PHACTR3: variants seen among roughly 807,000 people sequenced by gnomAD.
PHACTR3 encodes protein phosphatase 1, regulatory subunit 123.
In PHACTR3, 16 loss-of-function variants were observed where a neutral mutation model predicts 66.8. That is an observed-to-expected ratio of 0.24 (90% confidence interval 0.16 to 0.36). The LOEUF (loss-of-function observed/expected upper bound fraction) is 0.36. Among genes scored for constraint, PHACTR3 ranks in the 10% least tolerant of loss-of-function variants. The pLI, the probability that PHACTR3 is intolerant of heterozygous loss-of-function variation, is 1.00. For synonymous variants in PHACTR3, 323 were observed against 292.1 expected, an observed-to-expected ratio of 1.11 and a Z score of -1.08; for missense variants, 647 against 719.9, an observed-to-expected ratio of 0.90 and a Z score of 1.16.
chr20:59,649,609 C>G (rs751695732), intron 1 of PHACTR3, among the ~76,000 whole-genome samples: 4 of 152,132 alleles, frequency 2.6e-5, no homozygotes, highest in Non-Finnish European at 2.9e-5. Context: ...CTGTTAGAGT[C>G]ACAGAAATTC....
At chr20:59,631,337 T>C (rs1334929337) in intron 1 of PHACTR3, among the ~76,000 whole-genome samples, 1 of 152,208 alleles carries the variant, frequency 6.6e-6, no homozygotes, top group Non-Finnish European at 1.5e-5. Flanking sequence ...TTTAATGAGC[T>C]CCTGGGGGAT....
In PHACTR3 at chr20:59,775,881, C is replaced by T. The variant is rs565211403; in HGVS notation, c.1174+1391C>T. 5.5e-4 allele frequency among the ~76,000 whole-genome samples: 83 copies of T among 152,290 alleles called. 1 individual carries two copies. The highest frequency in any genetic ancestry group is 7.8e-4 in the Non-Finnish European group (53 of 68,018). ...TCAGCGCTGGTGGCAAGAGGCCAGGCGATTCTCTGCTGGGGAGGGGGCTGT... is the reference window on the plus strand; with the variant it reads ...TCAGCGCTGGTGGCAAGAGGCCAGGTGATTCTCTGCTGGGGAGGGGGCTGT... On this transcript the variant is annotated intron_variant, in intron 7 of 12. Transcript: ENST00000371015.
chr20:59,594,118 C>A (rs1424306683), intron 1 of PHACTR3, among the ~76,000 whole-genome samples: 2 of 152,186 alleles, frequency 1.3e-5, no homozygotes, highest in Non-Finnish European at 2.9e-5. Flanking sequence ...AACATGGATT[C>A]TCTCTCCATT....
intron 1 of PHACTR3, among the ~76,000 whole-genome samples, chr20:59,579,979 G>T (rs76412730): frequency 6.6e-6 from 1 of 152,074 alleles, no homozygotes; most frequent in African/African-American, 2.4e-5. Context: ...GAGGAAGCGC[G>T]CATTCCGTGC....
At chr20:59,720,813 AT>A (rs1399436918) in intron 1 of PHACTR3, among the ~76,000 whole-genome samples, 1 of 152,188 alleles carries the variant, frequency 6.6e-6, no homozygotes, top group Non-Finnish European at 1.5e-5. Flanking sequence ...ATCTTCAGTC[AT>A]TTGCTTTCGG....
intron 1 of PHACTR3, among the ~76,000 whole-genome samples, chr20:59,589,937 T>A (rs1242820189): frequency 3.9e-4 from 59 of 152,218 alleles, no homozygotes; most frequent in Non-Finnish European, 4.4e-5. Context: ...GCATTTTGAG[T>A]AGGGAGCTCA....
intron 1 of PHACTR3, among the ~76,000 whole-genome samples, chr20:59,622,293 G>A (rs146279514): frequency 3.4e-4 from 52 of 152,162 alleles, no homozygotes; most frequent in African/African-American, 1.1e-3. Flanking sequence ...AGCCTCAGCC[G>A]TACTGACTGT....
chr20:59,672,718 G>A (rs74828393), intron 1 of PHACTR3, among the ~76,000 whole-genome samples: 26,339 of 152,150 alleles, frequency 0.17, 2,835 homozygotes, highest in African/African-American at 0.31. Context: ...CTGTGTGCCC[G>A]ACACCCAGCT....
intron 3 of PHACTR3, among the ~76,000 whole-genome samples, chr20:59,749,977 C>T (rs992086648): frequency 6.6e-6 from 1 of 152,174 alleles, no homozygotes; most frequent in African/African-American, 2.4e-5. Context: ...GCCTGAAACA[C>T]AGTCTCTTTC....
chr20:59,708,255 T>G (rs1393760050), intron 1 of PHACTR3, among the ~76,000 whole-genome samples: 1 of 152,208 alleles, frequency 6.6e-6, no homozygotes, highest in East Asian at 1.9e-4. Flanking sequence ...ATCTGAACTT[T>G]TGAGGGGCTC....
intron 1 of PHACTR3, among the ~76,000 whole-genome samples, chr20:59,629,749 T>G (rs1320853708): frequency 6.6e-6 from 1 of 152,202 alleles, no homozygotes; most frequent in Non-Finnish European, 1.5e-5. Flanking sequence ...AAAATTCTCT[T>G]AATCTCACAA....
intron 1 of PHACTR3, among the ~76,000 whole-genome samples, chr20:59,737,620 A>G (rs1266443112): frequency 1.3e-5 from 2 of 152,006 alleles, no homozygotes; most frequent in Admixed American, 6.5e-5. Flanking sequence ...GATGAGAAAA[A>G]TAAAGAGGAA....
At chr20:59,697,640 C>A (rs2037348561) in intron 1 of PHACTR3, among the ~76,000 whole-genome samples, 1 of 152,012 alleles carries the variant, frequency 6.6e-6, no homozygotes, top group African/African-American at 2.4e-5. Flanking sequence ...TAGTCATGTT[C>A]TAGACAGTGC....
intron 1 of PHACTR3, chr20:59,721,241 G>T (rs1027248333): frequency 6.6e-6 from 1 of 152,302 alleles, no homozygotes; most frequent in Non-Finnish European, 1.5e-5. Flanking sequence ...GGCTCATGGG[G>T]CCCAAGCCTT....
chr20:59,811,270 T>G (rs936349973), intron 8 of PHACTR3, among the ~76,000 whole-genome samples: 3 of 152,188 alleles, frequency 2.0e-5, no homozygotes, highest in Non-Finnish European at 4.4e-5. Flanking sequence ...CTTTGAATTT[T>G]CTTATATTGG....
intron 1 of PHACTR3, among the ~76,000 whole-genome samples, chr20:59,679,174 G>T (rs185466208): frequency 2.6e-5 from 4 of 152,324 alleles, no homozygotes; most frequent in Admixed American, 2.6e-4. Context: ...TGTCCACGCG[G>T]TTGAAGATGG....
intron 1 of PHACTR3, among the ~76,000 whole-genome samples, chr20:59,585,003 C>T (rs1186745063): frequency 6.6e-6 from 1 of 151,836 alleles, no homozygotes; most frequent in Non-Finnish European, 1.5e-5. Context: ...GGGATCAAAA[C>T]TTCAACATAT....
intron 1 of PHACTR3, among the ~76,000 whole-genome samples, chr20:59,689,343 G>A (rs972360122): frequency 4.6e-5 from 7 of 152,268 alleles, no homozygotes; most frequent in Non-Finnish European, 5.9e-5. Context: ...AGGCCAGGTA[G>A]TGGGGCGACC....
At chr20:59,675,477 A>G (rs2036422998) in intron 1 of PHACTR3, among the ~76,000 whole-genome samples, 1 of 152,064 alleles carries the variant, frequency 6.6e-6, no homozygotes, top group Non-Finnish European at 1.5e-5. Context: ...TTCATTCGTT[A>G]AGTTCCTGGT....
Sources: gnomAD v4.1 joint callset for allele counts (sites outside exome capture counted in the v4.1 genomes callset) on GRCh38, gnomAD v4.1.1 for gene constraint, MANE v1.5 for transcripts, NCBI Gene and HGNC (gene_info 2026-07-23, HGNC 2026-07-21) for gene names.